ADK: variants seen among roughly 807,000 people sequenced by gnomAD.
ADK encodes the protein adenosine kinase.
ADK carries 24 observed loss-of-function variants against 44.7 expected under a neutral mutation model. The ratio of observed to expected loss-of-function variants is 0.54; its 90% CI spans 0.39 to 0.76. The LOEUF (loss-of-function observed/expected upper bound fraction) is 0.76, where lower values mean the gene tolerates loss of function less well. ADK is among the 30% of genes least tolerant of loss of function. The probability of loss-of-function intolerance (pLI) is 0.00; values close to 1 mark genes in which losing one functional copy is unlikely to be tolerated. For missense variants in ADK, 321 were observed against 425.1 expected (o/e 0.76, Z 2.15); for synonymous variants, 128 against 142.6 (o/e 0.90, Z 0.73).
chr10:74,283,593 C>A (rs1338006211), intron 3 of ADK, among the ~76,000 whole-genome samples: 1 of 148,468 alleles, frequency 6.7e-6, no homozygotes, highest in East Asian at 2.0e-4. Flanking sequence ...TCAAATCTTA[C>A]CCCTCTTTTT....
chr10:74,684,261 A>G (rs912956485), intron 10 of ADK, among the ~76,000 whole-genome samples: 3 of 152,238 alleles, frequency 2.0e-5, no homozygotes, highest in Admixed American at 6.5e-5. Flanking sequence ...GGTATTTCCA[A>G]GTAGATCAAG....
At chr10:74,558,774 C>T (rs189374293) in intron 7 of ADK, among the ~76,000 whole-genome samples, 28 of 152,260 alleles carry the variant, frequency 1.8e-4, no homozygotes, top group Non-Finnish European at 3.1e-4. Flanking sequence ...GATGCAGGCA[C>T]TTCTGGAAGC....
At chr10:74,372,271 G>A in intron 4 of ADK, 1 of 762,496 alleles carries the variant, frequency 1.3e-6, no homozygotes, top group Non-Finnish European at 2.4e-6. Flanking sequence ...GTTGCAGACT[G>A]GTCTGAAGGT....
intron 9 of ADK, among the ~76,000 whole-genome samples, chr10:74,659,646 C>T (rs538109297): frequency 6.6e-6 from 1 of 152,156 alleles, no homozygotes; most frequent in African/African-American, 2.4e-5. Flanking sequence ...TATTAACTCA[C>T]ACAATCACAA....
intron 4 of ADK, among the ~76,000 whole-genome samples, chr10:74,325,645 C>G (rs1840979316): frequency 6.6e-6 from 1 of 152,130 alleles, no homozygotes; most frequent in African/African-American, 2.4e-5. Flanking sequence ...TTGTGCTGAG[C>G]TGCATTCCTT....
intron 4 of ADK, among the ~76,000 whole-genome samples, chr10:74,382,388 C>T (rs371710749): frequency 7.2e-5 from 11 of 152,202 alleles, no homozygotes; most frequent in South Asian, 4.2e-4. Flanking sequence ...TGTGAGCCAC[C>T]GCACCTGGCC....
intron 2 of ADK, among the ~76,000 whole-genome samples, chr10:74,218,013 C>A (rs1844132767): frequency 6.6e-6 from 1 of 152,170 alleles, no homozygotes; most frequent in Admixed American, 6.5e-5. Flanking sequence ...TGGAACAAAG[C>A]TGGACGGAGA....
chr10:74,212,307 C>T (rs566098541), intron 2 of ADK, among the ~76,000 whole-genome samples: 28 of 152,270 alleles, frequency 1.8e-4, no homozygotes, highest in Non-Finnish European at 3.4e-4. Context: ...CAGTTCATTT[C>T]ACAGCTCAAC....
intron 10 of ADK, among the ~76,000 whole-genome samples, chr10:74,673,449 C>T (rs1014518568): frequency 6.6e-6 from 1 of 152,190 alleles, no homozygotes; most frequent in East Asian, 1.9e-4. Flanking sequence ...TTCACTCACT[C>T]GCTTCTCCAC....
At chr10:74,306,136 A>AT (rs1564644768) in intron 3 of ADK, among the ~76,000 whole-genome samples, 1 of 150,082 alleles carries the variant, frequency 6.7e-6, no homozygotes, top group South Asian at 2.1e-4. Context: ...GTCTTTTTTC[A>AT]TTTTTTAAAA....
chr10:74,649,602 G>A (rs1283229686), intron 9 of ADK, among the ~76,000 whole-genome samples: 1 of 151,740 alleles, frequency 6.6e-6, no homozygotes, highest in African/African-American at 2.4e-5. Context: ...TCCAACCTGG[G>A]CGACAGAGTG....
chr10:74,486,101 C>G (rs960319927), intron 6 of ADK, among the ~76,000 whole-genome samples: 3 of 152,120 alleles, frequency 2.0e-5, no homozygotes, highest in African/African-American at 7.2e-5. Context: ...AAAGGAGAGA[C>G]CTGGTGGGAG....
At chr10:74,553,365 T>A (rs998804056) in intron 7 of ADK, among the ~76,000 whole-genome samples, 6 of 151,944 alleles carry the variant, frequency 3.9e-5, no homozygotes, top group African/African-American at 1.2e-4. Context: ...GACACCCAGC[T>A]AATTTTTGTA....
At chr10:74,371,410 A>G (rs904548932) in intron 4 of ADK, 2 of 596,120 alleles carry the variant, frequency 3.4e-6, no homozygotes, top group Non-Finnish European at 5.9e-6. Context: ...ATACCAAACA[A>G]AAATCTTAAG....
chr10:74,285,039 G>A (rs1477414689), intron 3 of ADK, among the ~76,000 whole-genome samples: 2 of 152,180 alleles, frequency 1.3e-5, no homozygotes, highest in Non-Finnish European at 2.9e-5. Context: ...GGCACTTCAT[G>A]TATTTATCCT....
Position 74,708,672 on chromosome 10 carries a change from T to G in ADK, c.*227T>G. ...CCATAGTTTGATAGTGCCACTTAAA[T>G]GCCAATTAAACAAGAATATAACATT... On this transcript the variant is annotated 3_prime_UTR_variant, in exon 11 of 11. Coordinates refer to ENST00000539909, the MANE Select transcript of ADK (RefSeq NM_006721.4). 1 of 428,676 alleles carries G rather than the reference T, an allele frequency of 2.3e-6. No individual in the cohort carries two copies. The highest frequency in any genetic ancestry group is 2.3e-5 in the South Asian group (1 of 42,784). The allele number at this position is 428,676 out of a possible 1,614,324, so 26.6% of individuals were successfully genotyped here.
chr10:74,683,917 T>G (rs1855704085), intron 10 of ADK, among the ~76,000 whole-genome samples: 1 of 152,230 alleles, frequency 6.6e-6, no homozygotes, highest in Non-Finnish European at 1.5e-5. Flanking sequence ...TAGGTTTAAC[T>G]GAGTTGAGTC....
At chr10:74,319,194 A>G (rs1840730181) in intron 4 of ADK, among the ~76,000 whole-genome samples, 2 of 152,216 alleles carry the variant, frequency 1.3e-5, no homozygotes, top group Admixed American at 6.5e-5. Flanking sequence ...GTGTGATAGA[A>G]ATAAACAACA....
intron 6 of ADK, among the ~76,000 whole-genome samples, chr10:74,484,582 T>G (rs77951381): frequency 9.4e-4 from 143 of 152,280 alleles, no homozygotes; most frequent in African/African-American, 3.4e-3. Flanking sequence ...AAACAAGATT[T>G]TTGTGAAACT....
Sources: gnomAD v4.1 joint callset for allele counts (sites outside exome capture counted in the v4.1 genomes callset) on GRCh38, gnomAD v4.1.1 for gene constraint, MANE v1.5 for transcripts, NCBI Gene and HGNC (gene_info 2026-07-23, HGNC 2026-07-21) for gene names.